DIABLO: variants seen among roughly 807,000 people sequenced by gnomAD.
The protein encoded by DIABLO is diablo homolog, mitochondrial.
A neutral mutation model predicts 31.7 loss-of-function variants in DIABLO; 32 were observed. That is an observed-to-expected ratio of 1.01 (90% CI 0.76 to 1.35). DIABLO has a LOEUF of 1.35. Among genes scored for constraint, DIABLO ranks in the 40% most tolerant of loss-of-function variants. The pLI is 0.00. For synonymous variants in DIABLO, 132 were observed against 103.2 expected, an observed-to-expected ratio of 1.28 and a Z score of -1.69; for missense variants, 316 against 286.4, an observed-to-expected ratio of 1.10 and a Z score of -0.75.
In DIABLO at chr12:122,216,887, A is replaced by T; in HGVS notation, c.316-18T>A. On this transcript the variant is annotated intron_variant, in intron 3 of 5. Transcript: ENST00000464942. ...TAAACAGCCTACAAATAGAGAATGA[A>T]CAAGTCTGAGTAAAGTAAGTGAGAC... The T allele has an allele frequency of 1.9e-6, 3 of 1,595,800 alleles. No homozygotes were observed. The African/African-American group carries it at 4.0e-5, about 21-fold the overall frequency.
intron 5 of DIABLO, among the ~76,000 whole-genome samples, chr12:122,212,816 G>A (rs1335644434): frequency 3.3e-5 from 5 of 151,654 alleles, no homozygotes; most frequent in Non-Finnish European, 5.9e-5. Flanking sequence ...TAGTAGAGAC[G>A]GGGTTTTACC....
intron 5 of DIABLO, among the ~76,000 whole-genome samples, chr12:122,209,352 G>T (rs898154450): frequency 1.4e-5 from 2 of 146,056 alleles, no homozygotes; most frequent in African/African-American, 2.7e-5. Context: ...GACAGACTCC[G>T]TCTCAAAAAA....
chr12:122,226,566 G>A (rs920860539), upstream of DIABLO: 20 of 697,612 alleles, frequency 2.9e-5, no homozygotes, highest in Middle Eastern at 3.6e-4. Context: ...GGCCGGCATC[G>A]CGCTGCGCGG....
At chr12:122,216,444 G>T in intron 5 of DIABLO, 44 bp downstream of exon 5, 1 of 1,522,752 alleles carries the variant, frequency 6.6e-7, no homozygotes, top group Non-Finnish European at 9.1e-7. Flanking sequence ...TACCTTCCTA[G>T]TTAAAAAATT....
chr12:122,219,843 C>T (rs1374309909), intron 2 of DIABLO, among the ~76,000 whole-genome samples: 4 of 146,346 alleles, frequency 2.7e-5, no homozygotes, highest in African/African-American at 7.6e-5. Flanking sequence ...CCAGCCTGGG[C>T]GACAGAGCAA....
chr12:122,213,021 A>G (rs1954122322), intron 5 of DIABLO, among the ~76,000 whole-genome samples: 1 of 151,034 alleles, frequency 6.6e-6, no homozygotes, highest in Non-Finnish European at 1.5e-5. Flanking sequence ...CCAGGGCCCA[A>G]GTGATCCTCT....
At chr12:122,223,175 C>G (rs1263080686) in intron 2 of DIABLO, among the ~76,000 whole-genome samples, 2 of 152,068 alleles carry the variant, frequency 1.3e-5, no homozygotes, top group African/African-American at 4.8e-5. Context: ...TGGCTCAGGC[C>G]TGTAATCCCA....
intron 5 of DIABLO, chr12:122,209,876 T>C: frequency 1.4e-6 from 1 of 695,034 alleles, no homozygotes; most frequent in Non-Finnish European, 2.6e-6. Flanking sequence ...TCCACACAAT[T>C]AAGTAGGATT....
intron 5 of DIABLO, among the ~76,000 whole-genome samples, chr12:122,214,037 T>G (rs1954147675): frequency 6.6e-6 from 1 of 151,780 alleles, no homozygotes; most frequent in African/African-American, 2.4e-5. Flanking sequence ...GTGAGCTGAG[T>G]TCACACCACT....
At chr12:122,224,458 G>T in intron 2 of DIABLO, 54 bp downstream of exon 2, 1 of 1,613,232 alleles carries the variant, frequency 6.2e-7, no homozygotes, top group South Asian at 1.1e-5. Flanking sequence ...CCGCCCACTT[G>T]AGACTTCAAG....
chr12:122,212,882 C>G (rs1954118902), intron 5 of DIABLO, among the ~76,000 whole-genome samples: 1 of 151,750 alleles, frequency 6.6e-6, no homozygotes, highest in East Asian at 1.9e-4. Context: ...ACCTCAGCCT[C>G]CTAAAGTGCT....
intron 5 of DIABLO, among the ~76,000 whole-genome samples, chr12:122,210,198 T>C (rs1164328814): frequency 1.3e-5 from 2 of 152,138 alleles, no homozygotes; most frequent in African/African-American, 4.8e-5. Flanking sequence ...ATCGGGGCTA[T>C]GCTGGCTTCA....
At chr12:122,225,897 G>A (rs1484211003) in intron 1 of DIABLO, 68 bp downstream of exon 1, 3 of 1,546,222 alleles carry the variant, frequency 1.9e-6, no homozygotes, top group African/African-American at 2.7e-5. Flanking sequence ...GCCGTGGGCC[G>A]GGCCACAGCG....
chr12:122,226,143 G>C (rs967718397), upstream of DIABLO: 4 of 1,374,326 alleles, frequency 2.9e-6, no homozygotes, highest in Non-Finnish European at 4.0e-6. Flanking sequence ...AAGCAGTCGG[G>C]ATTGGGCAGG....
upstream of DIABLO, chr12:122,226,274 G>C (rs563440541): frequency 1.3e-4 from 92 of 690,082 alleles, no homozygotes; most frequent in African/African-American, 1.4e-3. Flanking sequence ...AGGTGGGTCC[G>C]GCGCGGAGCT....
At chr12:122,208,896 T>C (rs1445632210) in intron 5 of DIABLO, 1 of 409,092 alleles carries the variant, frequency 2.4e-6, no homozygotes, top group Non-Finnish European at 4.7e-6. Flanking sequence ...TAACTACACA[T>C]CTTCCATTTC....
chr12:122,222,253 C>T (rs1280637921), intron 2 of DIABLO: 1 of 152,158 alleles, frequency 6.6e-6, no homozygotes, highest in African/African-American at 2.4e-5. Context: ...AAACCCACTC[C>T]TCTCCATCCT....
rs1278485734 is a variant in DIABLO at position 122,208,014 on chromosome 12, C to A, written c.*367G>T. 1.2e-5 allele frequency: 6 copies of A among 493,276 alleles called. No individual in the cohort carries two copies. The highest frequency in any genetic ancestry group is 2.4e-5 in the Non-Finnish European group (6 of 253,688). 30.6% of individuals were successfully genotyped at this position (493,276 alleles called of 1,614,324 possible). A position where few individuals can be genotyped will look rare whatever the true frequency, so the allele number is the denominator to read the frequency against. The stretch of plus-strand genomic sequence containing the variant: ...ACAAGTACTAAATCATTTTTGACGA[C>A]GTAAATAAGACTGAAAACAGGTTAA... On this transcript the variant is annotated 3_prime_UTR_variant, in exon 6 of 6. Coordinates refer to ENST00000464942, the MANE Select transcript of DIABLO (RefSeq NM_001371333.1).
chr12:122,218,769 G>A (rs1000923317), intron 2 of DIABLO: 6 of 298,838 alleles, frequency 2.0e-5, no homozygotes, highest in African/African-American at 4.6e-5. Flanking sequence ...GTGAAACCCC[G>A]TCTCTACTAA....
Sources: allele counts gnomAD v4.1 joint callset (sites outside exome capture counted in the v4.1 genomes callset), GRCh38; gene constraint gnomAD v4.1.1; transcripts MANE v1.5; gene names NCBI Gene and HGNC (gene_info 2026-07-23, HGNC 2026-07-21).